The following LRRIQ4 variants were observed in gnomAD, a reference collection of about 807,000 sequenced individuals.
LRRIQ4 encodes leucine-rich repeat and IQ domain-containing protein 4.
A neutral mutation model predicts 40.1 loss-of-function variants in LRRIQ4; 21 were observed. The observed-to-expected ratio is 0.52, with a 90% CI of 0.37 to 0.75. LRRIQ4 has a LOEUF of 0.75. Ranked by LOEUF, LRRIQ4 falls within the 30% of genes least tolerant of loss-of-function variation. The pLI, the probability that LRRIQ4 is intolerant of heterozygous loss-of-function variation, is 0.00. For missense variants in LRRIQ4, 655 were observed against 660.0 expected (o/e 0.99, Z 0.08); for synonymous variants, 277 against 277.1 (o/e 1.00, Z 0.00).
chr3:169,831,432 C>T (rs1419472301), intron 4 of LRRIQ4, among the ~76,000 whole-genome samples: 1 of 130,604 alleles, frequency 7.7e-6, no homozygotes, highest in Non-Finnish European at 1.6e-5. Context: ...CGCCACCACG[C>T]CCGGCTAATT....
intron 1 of LRRIQ4, among the ~76,000 whole-genome samples, chr3:169,817,226 C>T (rs1302744004): frequency 3.3e-5 from 5 of 152,046 alleles, no homozygotes; most frequent in South Asian, 4.1e-4. Flanking sequence ...TTAATTTCCA[C>T]GTGTTTGTAC....
In LRRIQ4 at chr3:169,822,351, C is replaced by T. The variant is rs1779919089; in HGVS notation, c.430C>T (p.Leu144Phe). 1 of 1,613,602 alleles carries T rather than the reference C, an allele frequency of 6.2e-7. No individual in the cohort carries two copies. The highest frequency in any genetic ancestry group is 1.7e-5 in the Admixed American group (1 of 59,962). ...CGTCATCTTTAAAAACCTCCACCATCTCGAGCTGCTCGGACTGACCGGAAA... is the reference window on the plus strand; with the variant it reads ...CGTCATCTTTAAAAACCTCCACCATTTCGAGCTGCTCGGACTGACCGGAAA... The part of the protein sequence containing the change: ...PVVIFKNLHH[L>F]ELLGLTGNHL... Residue 144 changes from leucine (L) to phenylalanine (F), a missense_variant, in exon 2 of 6, where the codon CTC becomes TTC. Transcript: ENST00000340806.
chr3:169,823,593 G>A (rs548065397), intron 2 of LRRIQ4, among the ~76,000 whole-genome samples: 2 of 152,216 alleles, frequency 1.3e-5, no homozygotes, highest in East Asian at 1.9e-4. Context: ...TGTTCCGCCC[G>A]CCTCGGCCTC....
chr3:169,816,428 T>A (rs975312615), intron 1 of LRRIQ4, among the ~76,000 whole-genome samples: 3 of 152,118 alleles, frequency 2.0e-5, no homozygotes, highest in Non-Finnish European at 4.4e-5. Context: ...TTCTTCTAGG[T>A]TTCCCAATGT....
Position 169,830,377 on chromosome 3 carries a change from G to GAAAAAAAAAAAAAAAAAAA in LRRIQ4, c.1195-101_1195-83dup, listed in dbSNP as rs56795981. Reference sequence around the variant, plus strand: ...AATGCGTAATTTCCCCACTGAAAGTGAAAAAAAAAAAAAAAAAAAAAAAAA... The same window carrying GAAAAAAAAAAAAAAAAAAA: ...AATGCGTAATTTCCCCACTGAAAGTGAAAAAAAAAAAAAAAAAAAAAAAAAAAAAAAAAAAAAAAAAAAA... On this transcript the variant is annotated intron_variant, in intron 3 of 5. Coordinates refer to ENST00000340806, the MANE Select transcript of LRRIQ4 (RefSeq NM_001080460.3). 6.1e-4 allele frequency: 65 copies of GAAAAAAAAAAAAAAAAAAA among 106,678 alleles called. 19 individuals carry two copies. The highest frequency in any genetic ancestry group is 1.2e-3 in the East Asian group (3 of 2,496). The allele number at this position is 106,678 out of a possible 1,614,324, so 6.6% of individuals were successfully genotyped here.
At position 169,833,479 on chromosome 3, in the gene LRRIQ4, G is replaced by A. The variant is rs140228577; in HGVS notation, c.1530+296G>A. The stretch of plus-strand genomic sequence containing the variant: ...CTAAAATTCGTGGACTATTTCATTG[G>A]AATGAAAAAAGTTTGTATTAACAAA... On this transcript the variant is annotated intron_variant, in intron 5 of 5. Transcript: ENST00000340806. Among the ~76,000 whole-genome samples, 713 of 152,180 alleles carry A rather than the reference G, an allele frequency of 4.7e-3. 2 individuals are homozygous for A. Among genetic ancestry groups the A allele is most frequent in the Non-Finnish European group, 6.9e-3 (466 of 67,988 alleles).
chr3:169,834,062 A>G (rs540199464), intron 5 of LRRIQ4, among the ~76,000 whole-genome samples: 1 of 152,258 alleles, frequency 6.6e-6, no homozygotes, highest in African/African-American at 2.4e-5. Flanking sequence ...AGTAATTTAT[A>G]TACAAATATA....
At chr3:169,832,275 C>T (rs971299378) in intron 4 of LRRIQ4, among the ~76,000 whole-genome samples, 2 of 151,938 alleles carry the variant, frequency 1.3e-5, no homozygotes, top group African/African-American at 4.8e-5. Context: ...CGAAACCAGC[C>T]TAGCCAATAC....
At chr3:169,837,372 C>A in intron 5 of LRRIQ4, 107 bp from the exon 6 acceptor site, 1 of 1,213,264 alleles carries the variant, frequency 8.2e-7, no homozygotes, top group Non-Finnish European at 1.1e-6. Flanking sequence ...AATCACATCC[C>A]ATTCTCTCCA....
At chr3:169,819,063 A>T (rs769774745) in intron 1 of LRRIQ4, among the ~76,000 whole-genome samples, 31 of 152,226 alleles carry the variant, frequency 2.0e-4, no homozygotes, top group Non-Finnish European at 3.8e-4. Context: ...TCAAATGAAG[A>T]TGTAACAATT....
intron 2 of LRRIQ4, among the ~76,000 whole-genome samples, chr3:169,827,810 A>G (rs893852754): frequency 6.6e-6 from 1 of 152,154 alleles, no homozygotes; most frequent in Non-Finnish European, 1.5e-5. Flanking sequence ...GGCTCGCTAT[A>G]AAAAGTATGC....
At chr3:169,832,017 G>T (rs1014614916) in intron 4 of LRRIQ4, among the ~76,000 whole-genome samples, 13 of 151,820 alleles carry the variant, frequency 8.6e-5, no homozygotes, top group Non-Finnish European at 1.3e-4. Flanking sequence ...TGGAGACAAG[G>T]GGTTGTATGC....
At position 169,822,945 on chromosome 3, in the gene LRRIQ4, C is replaced by T. The variant is rs758799073; in HGVS notation, c.1020+4C>T. ...GGATGACAATAAAATAGGACAGGTA[C>T]GGATTCCTTTTCTGGCTGTCACTAT... On this transcript the variant is annotated splice_donor_region_variant and intron_variant, in intron 2 of 5. Coordinates refer to ENST00000340806, the MANE Select transcript of LRRIQ4 (RefSeq NM_001080460.3). The T allele has an allele frequency of 1.3e-5, 20 of 1,512,920 alleles. No homozygotes were observed. Among genetic ancestry groups the T allele is most frequent in the Non-Finnish European group, 1.7e-5 (19 of 1,131,578 alleles). The allele number at this position is 1,512,920 out of a possible 1,614,324, so 93.7% of individuals were successfully genotyped here.
intron 2 of LRRIQ4, among the ~76,000 whole-genome samples, chr3:169,827,244 AT>A (rs1313787779): frequency 6.6e-6 from 1 of 152,156 alleles, no homozygotes; most frequent in African/African-American, 2.4e-5. Flanking sequence ...TATAGCTGGG[AT>A]TTTTTTCTAC....
At chr3:169,817,677 A>G (rs1490919773) in intron 1 of LRRIQ4, among the ~76,000 whole-genome samples, 2 of 152,052 alleles carry the variant, frequency 1.3e-5, no homozygotes, top group Non-Finnish European at 2.9e-5. Context: ...TTATCATTAT[A>G]TAATGACCTT....
At position 169,822,810 on chromosome 3, in the gene LRRIQ4, G is replaced by T. The variant is rs1204573945; in HGVS notation, c.889G>T (p.Gly297Cys). 1.4e-5 allele frequency: 23 copies of T among 1,613,684 alleles called. No individual in the cohort carries two copies. Among genetic ancestry groups the T allele is most frequent in the Non-Finnish European group, 1.7e-5 (20 of 1,179,786 alleles). ...LGNTGLHRLR[G>C]SFRCLVNLRF... is the part of the protein sequence containing the mutation. ...AAACACCGGCCTGCACAGGCTGCGGGGCTCCTTCAGGTGCCTGGTCAACTT... is the reference window on the plus strand; with the variant it reads ...AAACACCGGCCTGCACAGGCTGCGGTGCTCCTTCAGGTGCCTGGTCAACTT... Residue 297 changes from glycine (G) to cysteine (C), a missense_variant, in exon 2 of 6, where the codon GGC becomes TGC. Coordinates refer to ENST00000340806, the MANE Select transcript of LRRIQ4 (RefSeq NM_001080460.3).
In LRRIQ4 at chr3:169,828,764, T is replaced by C; in HGVS notation, c.1026T>C (p.Pro342=). The C allele has an allele frequency of 1.2e-6, 2 of 1,610,952 alleles. No homozygotes were observed. Among genetic ancestry groups the C allele is most frequent in the Non-Finnish European group, 1.7e-6 (2 of 1,179,104 alleles). ...GLDDNKIGQL[P]SELGSLSKLK... is the part of the protein sequence containing the mutation. ...TCTTTTTGGAATACTTCTAGTTACC[T>C]TCAGAATTGGGCTCACTTTCAAAAC... Residue 342 remains proline (P), a synonymous_variant, in exon 3 of 6, where the codon CCT becomes CCC. Coordinates refer to ENST00000340806, the MANE Select transcript of LRRIQ4 (RefSeq NM_001080460.3).
chr3:169,817,116 AGGT>A (rs1205165747), intron 1 of LRRIQ4, among the ~76,000 whole-genome samples: 2 of 152,076 alleles, frequency 1.3e-5, no homozygotes, highest in Non-Finnish European at 2.9e-5. Flanking sequence ...TGTATCCCAT[AGGT>A]TTTGTTATGT....
At position 169,832,994 on chromosome 3, in the gene LRRIQ4, AG is replaced by A; in HGVS notation, c.1342del (p.Glu448AsnfsTer19). The A allele has an allele frequency of 6.2e-7, 1 of 1,608,012 alleles. No homozygotes were observed. The highest frequency in any genetic ancestry group is 8.5e-7 in the Non-Finnish European group (1 of 1,178,314). ...DAICQAQALK[E>X]LRLEDNLLTH... ...ACGAAAAAATCTTTTCAGCTTTGAA[AG>A]AATTACGGCTGGAGGACAACTTGCT... On this transcript the variant is annotated frameshift_variant, in exon 5 of 6. Coordinates refer to ENST00000340806, the MANE Select transcript of LRRIQ4 (RefSeq NM_001080460.3). LOFTEE classifies it high-confidence loss of function.
Sources: allele counts gnomAD v4.1 joint callset (sites outside exome capture counted in the v4.1 genomes callset), GRCh38; gene constraint gnomAD v4.1.1; transcripts MANE v1.5; gene names NCBI Gene and HGNC (gene_info 2026-07-23, HGNC 2026-07-21).